SLC25A26: variants seen among roughly 807,000 people sequenced by gnomAD.
SLC25A26 encodes the protein solute carrier family 25 member 26, also known as mitochondrial S-adenosylmethionine carrier protein.
In SLC25A26, 36 loss-of-function variants were observed where a neutral mutation model predicts 37.8. The observed-to-expected ratio is 0.95, with a 90% confidence interval of 0.73 to 1.26. The LOEUF (loss-of-function observed/expected upper bound fraction) is 1.26, where lower values mean the gene tolerates loss of function less well. Ranked by LOEUF, SLC25A26 falls within the 50% of genes most tolerant of loss-of-function variation. The pLI is 0.00. For missense variants in SLC25A26, 390 were observed against 331.1 expected (o/e 1.18, Z -1.38); for synonymous variants, 129 against 122.5 (o/e 1.05, Z -0.35).
rs2072385429 is a variant in SLC25A26, at chr3:66,238,119, G to GA, written c.190+1420dup. 2.0e-5 allele frequency among the ~76,000 whole-genome samples: 3 copies of GA among 152,308 alleles called. No individual in the cohort carries two copies. In the South Asian group the frequency reaches 6.2e-4, roughly 32 times the overall value. On this transcript the variant is annotated intron_variant, in intron 2 of 9. Transcript: ENST00000354883. ...GCCAAGCATAGTTTTAAGTACGTGA[G>GA]AGGGGCATGGGTTCCCCAATTTGTC...
rs968582176 is a variant in SLC25A26, at chr3:66,202,379, G to T, written c.-353-18363G>T. On this transcript the variant is annotated intron_variant, in intron 1 of 10. Coordinates refer to the SLC25A26 transcript ENST00000676754. ...CCTGTCATGGGGGTGCGGGTGCAAG[G>T]GGACGGATAGCATTAGAAGAAATAC... 6.0e-4 allele frequency among the ~76,000 whole-genome samples: 91 copies of T among 152,090 alleles called. 1 individual carries two copies. The highest frequency in any genetic ancestry group is 2.1e-3 in the African/African-American group (87 of 41,442).
chr3:66,374,581 C>A (rs1268802419), intron 9 of SLC25A26, among the ~76,000 whole-genome samples: 2 of 152,210 alleles, frequency 1.3e-5, no homozygotes, highest in African/African-American at 2.4e-5. Context: ...TCACACCTTT[C>A]TCATTTTAAA....
chr3:66,274,860 A>G (rs978602873), intron 5 of SLC25A26, among the ~76,000 whole-genome samples: 2 of 152,136 alleles, frequency 1.3e-5, no homozygotes, highest in Non-Finnish European at 2.9e-5. Context: ...TCAGGGATCT[A>G]GAACTAGAAA....
chr3:66,371,108 G>A, intron 9 of SLC25A26: 2 of 1,404,472 alleles, frequency 1.4e-6, no homozygotes, highest in Non-Finnish European at 1.8e-6. Flanking sequence ...AGCTCTCTCT[G>A]CAAGATTAAA....
At chr3:66,301,047 C>G (rs1428979074) in intron 5 of SLC25A26, among the ~76,000 whole-genome samples, 11 of 151,990 alleles carry the variant, frequency 7.2e-5, no homozygotes, top group Non-Finnish European at 1.3e-4. Context: ...TTTGACCTGC[C>G]AGAATAAAAT....
At chr3:66,285,279 A>T (rs1035845337) in intron 5 of SLC25A26, among the ~76,000 whole-genome samples, 5 of 151,684 alleles carry the variant, frequency 3.3e-5, no homozygotes, top group Non-Finnish European at 4.4e-5. Context: ...TATTTTTTTT[A>T]AAAAACCCTG....
At chr3:66,328,130 A>G (rs1027210560) in intron 5 of SLC25A26, among the ~76,000 whole-genome samples, 1 of 152,144 alleles carries the variant, frequency 6.6e-6, no homozygotes, top group Non-Finnish European at 1.5e-5. Flanking sequence ...TAAACAATAC[A>G]CACATTTTTC....
intron 5 of SLC25A26, among the ~76,000 whole-genome samples, chr3:66,274,686 C>T (rs1351468484): frequency 6.6e-6 from 1 of 152,156 alleles, no homozygotes; most frequent in Non-Finnish European, 1.5e-5. Context: ...AAATGCAAAT[C>T]AAAACCACAA....
At chr3:66,271,832 T>C (rs1309077770) in intron 5 of SLC25A26, among the ~76,000 whole-genome samples, 1 of 152,172 alleles carries the variant, frequency 6.6e-6, no homozygotes, top group Admixed American at 6.5e-5. Flanking sequence ...CACTATTTTT[T>C]TTTTTGGTCA....
chr3:66,249,275 A>G (rs951432688), intron 3 of SLC25A26, among the ~76,000 whole-genome samples: 6 of 152,164 alleles, frequency 3.9e-5, no homozygotes, highest in Non-Finnish European at 7.3e-5. Flanking sequence ...AGCTTGTTTT[A>G]TGGTTTAGCT....
chr3:66,312,750 G>A (rs991609879), intron 5 of SLC25A26, among the ~76,000 whole-genome samples: 1 of 152,086 alleles, frequency 6.6e-6, no homozygotes, highest in Non-Finnish European at 1.5e-5. Context: ...TTGTTTAGGG[G>A]AGGTAGTTCC....
In SLC25A26 at chr3:66,243,273, A is replaced by G. The variant is rs2072668342; in HGVS notation, c.261A>G (p.Thr87=). The change falls in exon 3 of 10, where the codon ACA becomes ACG. Residue 87 remains threonine (T), a synonymous_variant. Coordinates refer to ENST00000354883, the MANE Select transcript of SLC25A26 (RefSeq NM_001379210.1). ...ATGCTGATTCATCTTCATATTTGAC[A>G]CCTATGAAACATATGTTGGCTGCCT... ...FLHADSSSYL[T]PMKHMLAASA... 6.2e-7 allele frequency: 1 copy of G among 1,608,738 alleles called. No homozygotes were observed. The highest frequency in any genetic ancestry group is 1.1e-5 in the South Asian group (1 of 90,348).
chr3:66,369,209 G>C (rs1355236400), intron 7 of SLC25A26, among the ~76,000 whole-genome samples: 3 of 152,178 alleles, frequency 2.0e-5, no homozygotes, highest in Non-Finnish European at 4.4e-5. Context: ...ACACTCATTA[G>C]TTTGCTAGTT....
chr3:66,305,129 A>G (rs1299498624), intron 5 of SLC25A26, among the ~76,000 whole-genome samples: 1 of 152,212 alleles, frequency 6.6e-6, no homozygotes, highest in Non-Finnish European at 1.5e-5. Flanking sequence ...ATAATAATGT[A>G]CACGCTCATT....
intron 5 of SLC25A26, among the ~76,000 whole-genome samples, chr3:66,321,264 T>C (rs1000746034): frequency 6.6e-5 from 10 of 152,244 alleles, no homozygotes; most frequent in Non-Finnish European, 1.2e-4. Flanking sequence ...TTGAAATGAT[T>C]ATGATGCATG....
At chr3:66,301,078 C>T (rs577159523) in intron 5 of SLC25A26, among the ~76,000 whole-genome samples, 1 of 152,054 alleles carries the variant, frequency 6.6e-6, no homozygotes, top group South Asian at 2.1e-4. Context: ...CTCATTGTGT[C>T]CTCAAATAAT....
At chr3:66,170,791 G>GTTGTTTT (rs2070484512) in intron 1 of SLC25A26, among the ~76,000 whole-genome samples, 1 of 50,902 alleles carries the variant, frequency 2.0e-5, no homozygotes, top group East Asian at 8.1e-4. Flanking sequence ...TGTGATTATT[G>GTTGTTTT]TTTTTTTTTT....
Position 66,377,689 on chromosome 3 carries a change from G to T in SLC25A26, c.708-1G>T. The T allele has an allele frequency of 3.7e-6, 6 of 1,611,100 alleles. No individual in the cohort carries two copies. The highest frequency in any genetic ancestry group is 5.1e-6 in the Non-Finnish European group (6 of 1,177,854). On this transcript the variant is annotated splice_acceptor_variant, in intron 9 of 9. Transcript: ENST00000354883. LOFTEE classifies it high-confidence loss of function. ...ATTAAAAATCCTGTTTTTTCCCCTA[G>T]ATTATTTGCAGGTGTCTTCCCTCGA...
At chr3:66,270,368 G>A (rs1038928797) in intron 5 of SLC25A26, among the ~76,000 whole-genome samples, 4 of 152,050 alleles carry the variant, frequency 2.6e-5, no homozygotes, top group African/African-American at 9.7e-5. Context: ...AAAATCCAAT[G>A]CAAACATATT....
Sources: gnomAD v4.1 joint callset for allele counts (sites outside exome capture counted in the v4.1 genomes callset) on GRCh38, gnomAD v4.1.1 for gene constraint, MANE v1.5 for transcripts, NCBI Gene and HGNC (gene_info 2026-07-23, HGNC 2026-07-21) for gene names.